The following RADX variants were observed in gnomAD, a reference collection of about 807,000 sequenced individuals.
The protein encoded by RADX is RPA-related protein RADX.
A neutral mutation model predicts 61.6 loss-of-function variants in RADX; 36 were observed. The ratio of observed to expected loss-of-function variants is 0.58; its 90% confidence interval spans 0.45 to 0.77. The LOEUF is 0.77. Among genes scored for constraint, RADX ranks in the 30% least tolerant of loss-of-function variants. The pLI is 0.00. For synonymous variants in RADX, 272 were observed against 237.9 expected (o/e 1.14, Z -1.32); for missense variants, 497 against 651.1 (o/e 0.76, Z 2.58).
In RADX at chrX:106,674,031, G is replaced by A. The variant is rs748390144; in HGVS notation, c.2438-4097G>A. Among the ~76,000 whole-genome samples the A allele has an allele frequency of 5.9e-4, 66 of 111,020 alleles. 1 individual carries two copies. Among genetic ancestry groups the A allele is most frequent in the Middle Eastern group, 4.7e-3 (1 of 215 alleles). ...CTCTGTACCCTGCCATGGCTGCACC[G>A]GGGTGGGGGGTGGTATTGGTGATTC... On this transcript the variant is annotated intron_variant, in intron 13 of 13. Transcript: ENST00000372548.
chrX:106,672,704 C>T (rs1160348569), intron 13 of RADX, among the ~76,000 whole-genome samples: 1 of 112,030 alleles, frequency 8.9e-6, no homozygotes, highest in Non-Finnish European at 1.9e-5. Context: ...AGGCCTGTGA[C>T]CTTCCCTTCA....
At chrX:106,671,392 G>C (rs888274667) in intron 13 of RADX, among the ~76,000 whole-genome samples, 2 of 111,774 alleles carry the variant, frequency 1.8e-5, no homozygotes, top group African/African-American at 3.2e-5. Flanking sequence ...AAATGTTTTT[G>C]CTATTAACAA....
chrX:106,671,355 C>T lies in RADX; in HGVS notation c.2437+2025C>T, dbSNP rs1212131943. On this transcript the variant is annotated intron_variant, in intron 13 of 13. Coordinates refer to ENST00000372548, the MANE Select transcript of RADX (RefSeq NM_018015.6). ...TGCCAAAATTTATTTGACCAGTCTC[C>T]TACTGGTAGACATTTAGATTGTTTC... 3.6e-5 allele frequency among the ~76,000 whole-genome samples: 4 copies of T among 111,629 alleles called. No individual in the cohort carries two copies. In the East Asian group the frequency reaches 8.4e-4, roughly 23 times the overall value.
At chrX:106,648,529 A>C (rs914255934) in intron 11 of RADX, 143 bp downstream of exon 11, 6 of 410,591 alleles carry the variant, frequency 1.5e-5, no homozygotes, top group African/African-American at 5.0e-5. Context: ...GGTCACTGTC[A>C]AAAGTGTACT....
intron 8 of RADX, chrX:106,639,147 A>C (rs1927441623): frequency 8.4e-6 from 1 of 118,697 alleles, no homozygotes; most frequent in African/African-American, 3.2e-5. Flanking sequence ...ACCTATCATC[A>C]TCTAAATATT....
intron 2 of RADX, among the ~76,000 whole-genome samples, chrX:106,624,630 T>C (rs1927036458): frequency 9.0e-6 from 1 of 111,692 alleles, no homozygotes; most frequent in Non-Finnish European, 1.9e-5. Flanking sequence ...TTAGCTATTA[T>C]TATTAGGTAC....
At chrX:106,658,294 C>A (rs1035992018) in intron 11 of RADX, among the ~76,000 whole-genome samples, 1 of 111,642 alleles carries the variant, frequency 9.0e-6, no homozygotes, top group Non-Finnish European at 1.9e-5. Context: ...TGAGAAGAGT[C>A]AAGGATCCCT....
chrX:106,673,305 G>A (rs886818191), intron 13 of RADX, among the ~76,000 whole-genome samples: 6 of 110,199 alleles, frequency 5.4e-5, no homozygotes, highest in African/African-American at 2.0e-4. Flanking sequence ...GTATCACTGC[G>A]GGTTATTCAG....
chrX:106,656,213 C>T (rs373464956), intron 11 of RADX, among the ~76,000 whole-genome samples: 29 of 112,250 alleles, frequency 2.6e-4, no homozygotes, highest in East Asian at 1.4e-3. Context: ...AGCAACTCTT[C>T]GTCCATTCAA....
intron 3 of RADX, among the ~76,000 whole-genome samples, chrX:106,630,355 A>C (rs1927186382): frequency 1.8e-5 from 2 of 110,307 alleles, no homozygotes; most frequent in Non-Finnish European, 3.8e-5. Flanking sequence ...CAAAAAAAAA[A>C]AAAAACACCT....
chrX:106,655,219 A>C (rs376747604), intron 11 of RADX, among the ~76,000 whole-genome samples: 6 of 111,112 alleles, frequency 5.4e-5, no homozygotes, highest in African/African-American at 2.0e-4. Context: ...GCTAACCATC[A>C]TCTGAGCCTT....
chrX:106,636,012 T>TA (rs1164244988), intron 6 of RADX, among the ~76,000 whole-genome samples: 1 of 112,068 alleles, frequency 8.9e-6, no homozygotes, highest in East Asian at 2.8e-4. Context: ...ACATAAAAGA[T>TA]AAAAAACAGT....
At chrX:106,642,017 A>T (rs751858124) in intron 10 of RADX, among the ~76,000 whole-genome samples, 10 of 111,750 alleles carry the variant, frequency 8.9e-5, no homozygotes, top group Non-Finnish European at 1.1e-4. Context: ...TAAAAATTCC[A>T]ATCTTTTAGA....
chrX:106,639,654 G>C lies in RADX; in HGVS notation c.1701G>C (p.Ala567=), dbSNP rs376071930. ...TAIKYIPHSS[A]TESASASETL... ...TAAAGTATATCCCCCATAGCAGTGCGACTGAAAGTGCCTCAGCATCAGAAA... is the reference window on the plus strand; with the variant it reads ...TAAAGTATATCCCCCATAGCAGTGCCACTGAAAGTGCCTCAGCATCAGAAA... The change falls in exon 9 of 14, where the codon GCG becomes GCC. Residue 567 remains alanine, a synonymous_variant. Transcript: ENST00000372548. 5.0e-6 allele frequency: 6 copies of C among 1,189,883 alleles called. No homozygotes were observed. Among genetic ancestry groups the C allele is most frequent in the Non-Finnish European group, 6.8e-6 (6 of 886,015 alleles).
chrX:106,631,024 T>A (rs1603041323), intron 3 of RADX, among the ~76,000 whole-genome samples: 1 of 112,263 alleles, frequency 8.9e-6, no homozygotes, highest in East Asian at 2.8e-4. Context: ...CTTGAAAACA[T>A]CATTGACATT....
chrX:106,641,970 A>G (rs1927524571), intron 10 of RADX, among the ~76,000 whole-genome samples: 1 of 112,096 alleles, frequency 8.9e-6, no homozygotes, highest in South Asian at 3.7e-4. Context: ...AAACACTCAT[A>G]AAGCAGAGTG....
At chrX:106,664,935 T>A (rs895491669) in intron 12 of RADX, among the ~76,000 whole-genome samples, 6 of 111,580 alleles carry the variant, frequency 5.4e-5, no homozygotes, top group Admixed American at 4.8e-4. Flanking sequence ...GAAGTATACA[T>A]TGTCTATACT....
Position 106,612,558 on chromosome X carries a change from G to C in RADX, c.478G>C (p.Asp160His). ...TAACGTCCACTGTGGGGAGACTTCA[G>C]ACAGTATTTCTTTAGAAACTCCCTT... is the stretch of plus-strand genomic sequence containing the variant. The part of the protein sequence containing the change: ...IDNVHCGETS[D>H]SISLETPFRN... The change falls in exon 1 of 14, where the codon GAC becomes CAC. Residue 160 changes from aspartate (D) to histidine (H), a missense_variant. Around this residue, in one of 3 missense-constraint regions of RADX, gnomAD observed 196 missense variants for 315.0 expected, o/e 0.62. Transcript: ENST00000372548. The C allele has an allele frequency of 8.3e-7, 1 of 1,211,720 alleles. No homozygotes were observed. Among genetic ancestry groups the C allele is most frequent in the Non-Finnish European group, 1.1e-6 (1 of 895,441 alleles).
At chrX:106,673,446 T>C (rs193284006) in intron 13 of RADX, among the ~76,000 whole-genome samples, 1 of 110,430 alleles carries the variant, frequency 9.1e-6, no homozygotes, top group Non-Finnish European at 1.9e-5. Context: ...CCCGAAACGA[T>C]GTCTTCACGA....
Sources: gnomAD v4.1 joint callset for allele counts (sites outside exome capture counted in the v4.1 genomes callset) on GRCh38, gnomAD v4.1.1 for gene constraint, gnomAD v4.1.1 regional missense constraint, MANE v1.5 for transcripts, NCBI Gene and HGNC (gene_info 2026-07-23, HGNC 2026-07-21) for gene names.